PALM: variants seen among roughly 807,000 people sequenced by gnomAD.
The protein encoded by PALM is paralemmin.
PALM carries 18 observed loss-of-function variants against 30.7 expected under a neutral mutation model. The ratio of observed to expected loss-of-function variants is 0.59; its 90% CI spans 0.41 to 0.87. The LOEUF is 0.87. Ranked by LOEUF, PALM falls within the 40% of genes least tolerant of loss-of-function variation. The pLI is 0.00. For synonymous variants in PALM, 286 were observed against 242.8 expected (o/e 1.18, Z -1.66); for missense variants, 529 against 555.4 (o/e 0.95, Z 0.48).
intron 1 of PALM, among the ~76,000 whole-genome samples, chr19:713,739 T>C (rs1403201444): frequency 2.0e-5 from 3 of 150,112 alleles, no homozygotes; most frequent in Non-Finnish European, 1.5e-5. Context: ...CCACTGCGCC[T>C]GGCTAATTTT....
chr19:746,712 C>T lies in PALM; in HGVS notation c.1062C>T (p.Ala354=), dbSNP rs10421265. 350,303 of 1,605,954 alleles carry T rather than the reference C, an allele frequency of 0.22. 39,404 individuals are homozygous for T. The highest frequency in any genetic ancestry group is 0.27 in the African/African-American group (20,460 of 74,798). The change falls in exon 9 of 9, where the codon GCC becomes GCT. Residue 354 remains alanine (A), a synonymous_variant. Transcript: ENST00000338448. This position sits in a 1 kb window ranked among gnomAD's most constrained non-coding sequence, Gnocchi z 7.1. ...NGSAAEPPTE[A]ASREENQAGP... The stretch of plus-strand genomic sequence containing the variant: ...GTGCTGCCGAGCCTCCCACGGAGGC[C>T]GCCTCCAGGGAAGAGAATCAGGCGG...
chr19:742,663 T>C lies in PALM; in HGVS notation c.634+2180T>C, dbSNP rs896782614. ...TGGGGTCACACACTGCACGTGGCCT[T>C]CTGTGTCTGGCGTCTCTCACTGGGC... On this transcript the variant is annotated intron_variant, in intron 8 of 8. Transcript: ENST00000338448. This position sits in a 1 kb window ranked among gnomAD's most constrained non-coding sequence, Gnocchi z 5.5. Among the ~76,000 whole-genome samples the C allele has an allele frequency of 6.6e-6, 1 of 151,416 alleles. No homozygotes were observed. Among genetic ancestry groups the C allele is most frequent in the Non-Finnish European group, 1.5e-5 (1 of 67,922 alleles).
intron 7 of PALM, 185 bp downstream of exon 7, chr19:736,263 C>T: frequency 1.9e-6 from 1 of 532,056 alleles, no homozygotes; most frequent in Non-Finnish European, 3.3e-6. Context: ...GGGGCCCCCT[C>T]TGCTTTGTTG....
intron 7 of PALM, among the ~76,000 whole-genome samples, chr19:737,863 T>G (rs1333996965): frequency 6.6e-6 from 1 of 151,976 alleles, no homozygotes; most frequent in Non-Finnish European, 1.5e-5. Flanking sequence ...CGTGGGCTTT[T>G]CCCGGGAGGG....
intron 4 of PALM, among the ~76,000 whole-genome samples, chr19:728,935 C>T (rs543144294): frequency 1.3e-5 from 2 of 152,052 alleles, no homozygotes; most frequent in South Asian, 4.2e-4. Flanking sequence ...ACCCGGGAGG[C>T]GGAGCTTGCA....
chr19:732,864 C>T (rs2032915246), intron 5 of PALM, among the ~76,000 whole-genome samples: 1 of 151,394 alleles, frequency 6.6e-6, no homozygotes, highest in African/African-American at 2.4e-5. Flanking sequence ...GAGGGCTGGG[C>T]AGGCGACCTG....
At chr19:718,839 TGGGGCTTGGACTCC>T (rs2032357610) in intron 1 of PALM, among the ~76,000 whole-genome samples, 1 of 151,798 alleles carries the variant, frequency 6.6e-6, no homozygotes, top group Admixed American at 6.6e-5. Context: ...GGGCTGACAT[TGGGGCTTGGACTCC>T]GGGGCTTGGA....
intron 7 of PALM, 34 bp downstream of exon 7, chr19:736,112 C>T (rs1210814139): frequency 1.3e-6 from 2 of 1,523,408 alleles, no homozygotes; most frequent in Non-Finnish European, 1.8e-6. Context: ...GCCCCAGATC[C>T]AGCCGCTGTC....
At chr19:722,240 A>G (rs1037396194) in intron 1 of PALM, among the ~76,000 whole-genome samples, 6 of 151,872 alleles carry the variant, frequency 4.0e-5, no homozygotes, top group Admixed American at 1.3e-4. Flanking sequence ...TTTTGAGACA[A>G]AGTCTTGCTC....
intron 1 of PALM, among the ~76,000 whole-genome samples, chr19:721,950 G>A (rs998635799): frequency 6.7e-6 from 1 of 148,938 alleles, no homozygotes; most frequent in Admixed American, 6.7e-5. Flanking sequence ...ACGGAGTCTC[G>A]CTCTGTCGCC....
intron 6 of PALM, 30 bp from the exon 7 acceptor site, chr19:735,989 T>A (rs2033011866): frequency 6.3e-7 from 1 of 1,588,498 alleles, no homozygotes. Context: ...CTGACCCTCA[T>A]CTCTCTCTCC....
chr19:721,276 G>A (rs561943851), intron 1 of PALM, among the ~76,000 whole-genome samples: 2 of 152,130 alleles, frequency 1.3e-5, no homozygotes, highest in East Asian at 1.9e-4. Context: ...TATTATTATT[G>A]TTATTTTGAG....
chr19:738,669 G>C (rs1288262543), intron 7 of PALM, among the ~76,000 whole-genome samples: 1 of 152,182 alleles, frequency 6.6e-6, no homozygotes, highest in Non-Finnish European at 1.5e-5. Context: ...TCCAGGTCAA[G>C]GTCCAGGTGG....
Position 746,663 on chromosome 19 carries a change from A to G in PALM, c.1013A>G (p.Lys338Arg), listed in dbSNP as rs1390231203. Residue 338 changes from lysine to arginine, a missense_variant, in exon 9 of 9, where the codon AAG (lysine) becomes AGG (arginine). Coordinates refer to ENST00000338448, the MANE Select transcript of PALM (RefSeq NM_002579.3). The surrounding 1 kb of genome is among the most constrained non-coding windows in gnomAD (Gnocchi z 7.1). ...LVVIEDAAEP[K>R]EPAPPNGSAA... The stretch of plus-strand genomic sequence containing the variant: ...GTCATCGAAGACGCGGCTGAGCCCA[A>G]GGAGCCTGCACCACCCAACGGCAGT... The G allele has an allele frequency of 1.2e-6, 2 of 1,611,842 alleles. No homozygotes were observed. The highest frequency in any genetic ancestry group is 2.2e-5 in the South Asian group (2 of 90,924).
rs1156469786 is a variant in PALM at position 730,960 on chromosome 19, C to T, written c.270-135C>T. The T allele has an allele frequency of 6.5e-6, 4 of 611,398 alleles. No homozygotes were observed. In the Admixed American group the frequency reaches 1.0e-4, roughly 15 times the overall value. 37.9% of individuals were successfully genotyped at this position (611,398 alleles called of 1,614,324 possible). ...AGGTTGCAGCGAGCCAAGATCACGC[C>T]ATTGCACTCCAGCCTGGGCAACAAG... On this transcript the variant is annotated intron_variant, in intron 4 of 8. Coordinates refer to ENST00000338448, the MANE Select transcript of PALM (RefSeq NM_002579.3).
intron 1 of PALM, among the ~76,000 whole-genome samples, chr19:714,662 T>G (rs1201910229): frequency 6.6e-6 from 1 of 151,698 alleles, no homozygotes; most frequent in Non-Finnish European, 1.5e-5. Flanking sequence ...CCAGCCTTCT[T>G]TTTTTTAGAC....
intron 1 of PALM, among the ~76,000 whole-genome samples, chr19:717,636 G>A (rs1431130414): frequency 2.0e-5 from 3 of 152,098 alleles, no homozygotes; most frequent in Non-Finnish European, 4.4e-5. Flanking sequence ...ACACTGAGGA[G>A]TCCGGGTCCT....
At chr19:736,265 G>C (rs1304596370) in intron 7 of PALM, 187 bp downstream of exon 7, 2 of 532,192 alleles carry the variant, frequency 3.8e-6, no homozygotes, top group Non-Finnish European at 6.6e-6. Flanking sequence ...GGCCCCCTCT[G>C]CTTTGTTGCC....
At position 727,203 on chromosome 19, in the gene PALM, C is replaced by T. The variant is rs1174126885; in HGVS notation, c.138+115C>T. On this transcript the variant is annotated intron_variant, in intron 3 of 8. Coordinates refer to ENST00000338448, the MANE Select transcript of PALM (RefSeq NM_002579.3). ...CAATCCCAACCTGACCCTGACCCTGCCTCCAGCCCTGACCCTGACCCCGAC... is the reference window on the plus strand; with the variant it reads ...CAATCCCAACCTGACCCTGACCCTGTCTCCAGCCCTGACCCTGACCCCGAC... The T allele has an allele frequency of 2.2e-5, 11 of 492,122 alleles. No individual in the cohort carries two copies. The East Asian group carries it at 3.8e-4, about 17-fold the overall frequency. The allele number at this position is 492,122 out of a possible 1,614,324, so 30.5% of individuals were successfully genotyped here.
Sources: gnomAD v4.1 joint callset for allele counts (sites outside exome capture counted in the v4.1 genomes callset) on GRCh38, gnomAD v4.1.1 for gene constraint, Gnocchi (gnomAD v3.1) non-coding constraint, MANE v1.5 for transcripts, NCBI Gene and HGNC (gene_info 2026-07-23, HGNC 2026-07-21) for gene names.